The following TECTA variants were observed in gnomAD, a reference collection of about 807,000 sequenced individuals.
TECTA encodes tectorin alpha, also known as alpha-tectorin.
TECTA carries 128 observed loss-of-function variants against 216.8 expected under a neutral mutation model. The ratio of observed to expected loss-of-function variants is 0.59; its 90% CI spans 0.51 to 0.68. TECTA has a LOEUF of 0.68. Among genes scored for constraint, TECTA ranks in the 30% least tolerant of loss-of-function variants. TECTA has a pLI of 0.00. For synonymous variants in TECTA, 1,089 were observed against 1,117.1 expected, an observed-to-expected ratio of 0.97 and a Z score of 0.50; for missense variants, 2,551 against 2,786.2, an observed-to-expected ratio of 0.92 and a Z score of 1.90.
intron 14 of TECTA, 95 bp downstream of exon 14, chr11:121,158,319 G>C (rs1946965412): frequency 3.3e-6 from 5 of 1,523,012 alleles, no homozygotes; most frequent in Non-Finnish European, 2.7e-6. Flanking sequence ...CAAGTTGTAG[G>C]ATAGATTGTT....
At chr11:121,132,337 A>G (rs616120) in intron 10 of TECTA, among the ~76,000 whole-genome samples, 111,950 of 152,178 alleles carry the variant, frequency 0.74, 41,727 homozygotes, top group African/African-American at 0.86. Flanking sequence ...CCCTCCAGCA[A>G]TGGTTTCTGT....
intron 20 of TECTA, among the ~76,000 whole-genome samples, chr11:121,176,949 A>G (rs1947173639): frequency 6.6e-6 from 1 of 151,912 alleles, no homozygotes; most frequent in Admixed American, 6.6e-5. Flanking sequence ...TGATACCCTT[A>G]CTTCCAGTTG....
chr11:121,114,338 AT>A (rs1266202827), intron 6 of TECTA, among the ~76,000 whole-genome samples: 13 of 152,222 alleles, frequency 8.5e-5, no homozygotes, highest in Admixed American at 2.6e-4. Context: ...TGTCCTTCAC[AT>A]TGGGCACCCA....
At chr11:121,128,382 G>C (rs961585117) in intron 9 of TECTA, 38 bp downstream of exon 9, 1 of 1,585,502 alleles carries the variant, frequency 6.3e-7, no homozygotes, top group African/African-American at 1.3e-5. Context: ...TTCCTGGTAC[G>C]TCCAGCCAGG....
In TECTA at chr11:121,104,806, G is replaced by A. The variant is rs1476969814; in HGVS notation, c.65-1025G>A. On this transcript the variant is annotated intron_variant, in intron 2 of 23. Coordinates refer to ENST00000392793, the MANE Select transcript of TECTA (RefSeq NM_005422.4). ...AGCAGGTACCTCAAGAAGTGTGGCC[G>A]ATGCCCAGCATGGTCTTGCCCCTGC... Among the ~76,000 whole-genome samples the A allele has an allele frequency of 4.6e-5, 7 of 151,944 alleles. 1 individual carries two copies. In the South Asian group the frequency reaches 1.0e-3, roughly 23 times the overall value.
At chr11:121,184,567 AAG>A (rs527840288) in intron 20 of TECTA, among the ~76,000 whole-genome samples, 191 of 152,166 alleles carry the variant, frequency 1.3e-3, no homozygotes, top group African/African-American at 4.3e-3. Flanking sequence ...ATGGTTTTCC[AAG>A]AGAAGAAGGG....
At position 121,190,926 on chromosome 11, in the gene TECTA, C is replaced by T. The variant is rs1947334838; in HGVS notation, c.*120C>T. 1.3e-6 allele frequency: 1 copy of T among 756,566 alleles called. No homozygotes were observed. The highest frequency in any genetic ancestry group is 2.1e-5 in the Admixed American group (1 of 48,116). 46.9% of individuals were successfully genotyped at this position (756,566 alleles called of 1,614,324 possible). A position where few individuals can be genotyped will look rare whatever the true frequency, so the allele number is the denominator to read the frequency against. ...AAGTGTCCAGCATCTCAAAATGATG[C>T]CACCTGCCTCCAATGGTCCAAGGTC... On this transcript the variant is annotated 3_prime_UTR_variant, in exon 24 of 24. Coordinates refer to ENST00000392793, the MANE Select transcript of TECTA (RefSeq NM_005422.4).
At position 121,109,204 on chromosome 11, in the gene TECTA, T is replaced by C. The variant is rs1486808124; in HGVS notation, c.199-7T>C. 6.2e-7 allele frequency: 1 copy of C among 1,614,006 alleles called. No homozygotes were observed. Among genetic ancestry groups the C allele is most frequent in the Non-Finnish European group, 8.5e-7 (1 of 1,180,032 alleles). On this transcript the variant is annotated splice_polypyrimidine_tract_variant and splice_region_variant and intron_variant, in intron 3 of 23. Coordinates refer to ENST00000392793, the MANE Select transcript of TECTA (RefSeq NM_005422.4). ...TCCACTGTGCAAAACCTCTCTTATT[T>C]TCGTAGGTCAATAACAACGGAGTTG... is the stretch of plus-strand genomic sequence containing the variant.
At chr11:121,179,521 A>C (rs914598090) in intron 20 of TECTA, among the ~76,000 whole-genome samples, 4 of 152,130 alleles carry the variant, frequency 2.6e-5, no homozygotes, top group African/African-American at 9.7e-5. Flanking sequence ...CTGTTGGGTA[A>C]AATATTCTGT....
chr11:121,186,410 T>C (rs1315529705), intron 20 of TECTA, among the ~76,000 whole-genome samples: 3 of 152,226 alleles, frequency 2.0e-5, no homozygotes, highest in Non-Finnish European at 1.5e-5. Context: ...CTGTGCTCAC[T>C]CTAAGAAAGC....
chr11:121,156,657 ATTT>A (rs368846220), intron 13 of TECTA, among the ~76,000 whole-genome samples: 4,736 of 146,736 alleles, frequency 0.032, 268 homozygotes, highest in African/African-American at 0.11. Flanking sequence ...TATTATTATT[ATTT>A]TTATTATTAT....
At position 121,104,137 on chromosome 11, in the gene TECTA, T is replaced by C. The variant is rs141483551; in HGVS notation, c.64+1408T>C. Among the ~76,000 whole-genome samples the C allele has an allele frequency of 5.3e-3, 807 of 152,332 alleles. 9 individuals carry two copies. The highest frequency in any genetic ancestry group is 0.018 in the African/African-American group (754 of 41,572). ...TTGAGCCCTCATTCATACTTGGGCATGACTCCTAAAAAGTTCCCCATGAAG... is the reference window on the plus strand; with the variant it reads ...TTGAGCCCTCATTCATACTTGGGCACGACTCCTAAAAAGTTCCCCATGAAG... On this transcript the variant is annotated intron_variant, in intron 2 of 23. Coordinates refer to ENST00000392793, the MANE Select transcript of TECTA (RefSeq NM_005422.4).
At position 121,113,014 on chromosome 11, in the gene TECTA, T is replaced by A; in HGVS notation, c.487-58T>A. 6.2e-7 allele frequency: 1 copy of A among 1,610,864 alleles called. No individual in the cohort carries two copies. Among genetic ancestry groups the A allele is most frequent in the Non-Finnish European group, 8.5e-7 (1 of 1,178,434 alleles). ...GCGCAGGGTGAAGGGAGGACCTCCTTGGGGCCAGGACCTCCTGGGGAGTGC... is the reference window on the plus strand; with the variant it reads ...GCGCAGGGTGAAGGGAGGACCTCCTAGGGGCCAGGACCTCCTGGGGAGTGC... On this transcript the variant is annotated intron_variant, in intron 4 of 23. Coordinates refer to ENST00000392793, the MANE Select transcript of TECTA (RefSeq NM_005422.4). This position sits in a 1 kb window ranked among gnomAD's most constrained non-coding sequence, Gnocchi z 4.2.
At chr11:121,133,983 GTCTATATTTCA>G (rs760632158) in intron 10 of TECTA, among the ~76,000 whole-genome samples, 13 of 152,070 alleles carry the variant, frequency 8.5e-5, no homozygotes, top group Admixed American at 4.6e-4. Context: ...TTTTCCAGTG[GTCTATATTTCA>G]TCTATATTTC....
rs1946748245 is a variant in TECTA at position 121,137,952 on chromosome 11, T to C, written c.3473T>C (p.Val1158Ala). The C allele has an allele frequency of 6.2e-7, 1 of 1,612,456 alleles. No individual in the cohort carries two copies. Among genetic ancestry groups the C allele is most frequent in the Non-Finnish European group, 8.5e-7 (1 of 1,178,634 alleles). The change falls in exon 11 of 24, where the codon GTT (valine) becomes GCT (alanine). Residue 1158 changes from valine (V) to alanine (A), a missense_variant. This residue lies in a region of TECTA where 2,375 missense variants were observed against 2,563.9 expected (regional missense o/e 0.93). Coordinates refer to ENST00000392793, the MANE Select transcript of TECTA (RefSeq NM_005422.4). ...EDRDPSLALW[V>A]KQVDVTVFGY... ...CGGGACCCGTCACTGGCCTTGTGGGTTAAGCAGGTGGACGTGACCGTGTTT... is the reference window on the plus strand; with the variant it reads ...CGGGACCCGTCACTGGCCTTGTGGGCTAAGCAGGTGGACGTGACCGTGTTT...
intron 10 of TECTA, 126 bp downstream of exon 10, chr11:121,130,337 C>T (rs1946661802): frequency 9.5e-7 from 1 of 1,051,206 alleles, no homozygotes; most frequent in Admixed American, 2.6e-5. Flanking sequence ...CTGTGTATAC[C>T]TACCCTAGTC....
At chr11:121,134,252 G>A (rs1946702936) in intron 10 of TECTA, among the ~76,000 whole-genome samples, 1 of 152,152 alleles carries the variant, frequency 6.6e-6, no homozygotes, top group South Asian at 2.1e-4. Flanking sequence ...TGTAAGGGAG[G>A]TGTCCCTGTT....
chr11:121,164,753 G>A (rs748105017), intron 16 of TECTA, among the ~76,000 whole-genome samples: 5 of 152,114 alleles, frequency 3.3e-5, no homozygotes, highest in Non-Finnish European at 5.9e-5. Context: ...AAGAAGCCCT[G>A]GTGTGGGAGA....
At chr11:121,134,272 G>A (rs953782734) in intron 10 of TECTA, among the ~76,000 whole-genome samples, 1 of 151,428 alleles carries the variant, frequency 6.6e-6, no homozygotes, top group Admixed American at 6.6e-5. Flanking sequence ...TGCTGTTGGG[G>A]CATCTTTGCT....
Sources: allele counts gnomAD v4.1 joint callset (sites outside exome capture counted in the v4.1 genomes callset), GRCh38; gene constraint gnomAD v4.1.1; regional missense constraint gnomAD v4.1.1; non-coding constraint Gnocchi (gnomAD v3.1); transcripts MANE v1.5; gene names NCBI Gene and HGNC (gene_info 2026-07-23, HGNC 2026-07-21).